The following GPRIN2 variants were observed in gnomAD, a reference collection of about 807,000 sequenced individuals.
GPRIN2 encodes G protein-regulated inducer of neurite outgrowth 2.
Under a neutral mutation model 0.3 loss-of-function variants are expected in GPRIN2, and 1 was observed. The observed-to-expected ratio is 3.90, with a 90% CI of 1.39 to 18.51. The LOEUF (loss-of-function observed/expected upper bound fraction) is 18.51. Among genes scored for constraint, GPRIN2 ranks in the 30% most tolerant of loss-of-function variants. The pLI, the probability that GPRIN2 is intolerant of heterozygous loss-of-function variation, is 0.11. For missense variants in GPRIN2, 880 were observed against 604.2 expected (o/e 1.46, Z -4.79); for synonymous variants, 361 against 258.6 (o/e 1.40, Z -3.80).
Position 46,550,728 on chromosome 10 carries a change from G to A in GPRIN2, c.9C>T (p.Ser3=). ...CCCAGGGACCCGGCTCGGGGCGGCT[G>A]GAGCTCATGGCTGCCTGCAGAAGAG... MS[S]SRPEPGPWAP... The change falls in exon 3 of 3, where the codon TCC becomes TCT. Residue 3 remains serine (S), a synonymous_variant. Transcript: ENST00000374314. The A allele has an allele frequency of 2.0e-6, 3 of 1,507,564 alleles. No homozygotes were observed. The highest frequency in any genetic ancestry group is 2.3e-5 in the East Asian group (1 of 43,220). 93.4% of individuals were successfully genotyped at this position (1,507,564 alleles called of 1,614,324 possible).
In GPRIN2 at chr10:46,550,759, G is replaced by C; in HGVS notation, c.-6-17C>G. 1 of 1,494,512 alleles carries C rather than the reference G, an allele frequency of 6.7e-7. No homozygotes were observed. The highest frequency in any genetic ancestry group is 2.3e-5 in the East Asian group (1 of 42,634). 92.6% of individuals were successfully genotyped at this position (1,494,512 alleles called of 1,614,324 possible). A position where few individuals can be genotyped will look rare whatever the true frequency, so the allele number is the denominator to read the frequency against. On this transcript the variant is annotated splice_polypyrimidine_tract_variant and intron_variant, in intron 2 of 2. Transcript: ENST00000374314. ...CATGGCTGCCTGCAGAAGAGAGAAAGGGAGGGAGTGGAGTTGAGTTGGGTG... is the reference window on the plus strand; with the variant it reads ...CATGGCTGCCTGCAGAAGAGAGAAACGGAGGGAGTGGAGTTGAGTTGGGTG...
In GPRIN2 at chr10:46,543,869, C is replaced by G. The variant is rs1412007975; in HGVS notation, c.*5491G>C. Among the ~76,000 whole-genome samples the G allele has an allele frequency of 2.6e-5, 4 of 152,282 alleles. No individual in the cohort carries two copies. Among genetic ancestry groups the G allele is most frequent in the Non-Finnish European group, 5.9e-5 (4 of 68,050 alleles). The stretch of plus-strand genomic sequence containing the variant: ...CCTGGAGAGTGACCGCACAAGTGAG[C>G]AAAGGCGGCATTCACCCAACTCTTG... On this transcript the variant is annotated 3_prime_UTR_variant, in exon 3 of 3. Transcript: ENST00000374314.
In GPRIN2 at chr10:46,546,986, C is replaced by T. The variant is rs1451522048; in HGVS notation, c.*2374G>A. On this transcript the variant is annotated 3_prime_UTR_variant, in exon 3 of 3. Coordinates refer to ENST00000374314, the MANE Select transcript of GPRIN2 (RefSeq NM_001385282.1). Reference sequence around the variant, plus strand: ...GAGGTAGCACAGAGTGGCACCCAGCCAGCGTGAATGCATAAGAATCTGCAC... The same window carrying T: ...GAGGTAGCACAGAGTGGCACCCAGCTAGCGTGAATGCATAAGAATCTGCAC... Among the ~76,000 whole-genome samples, 1 of 152,310 alleles carries T rather than the reference C, an allele frequency of 6.6e-6. No homozygotes were observed. The highest frequency in any genetic ancestry group is 2.4e-5 in the African/African-American group (1 of 41,486).
rs1424979456 is a variant in GPRIN2 at position 46,545,368 on chromosome 10, G to A, written c.*3992C>T. 6.6e-6 allele frequency among the ~76,000 whole-genome samples: 1 copy of A among 152,308 alleles called. No individual in the cohort carries two copies. Among genetic ancestry groups the A allele is most frequent in the Non-Finnish European group, 1.5e-5 (1 of 68,056 alleles). ...CCTGGGTAGTCCTTACTCTGAGGTG[G>A]GACTGCATCCAGGGCTCCCCTTTAG... On this transcript the variant is annotated 3_prime_UTR_variant, in exon 3 of 3. Transcript: ENST00000374314.
At chr10:46,555,072 G>C (rs372695085) in intron 1 of GPRIN2, among the ~76,000 whole-genome samples, 20 of 152,300 alleles carry the variant, frequency 1.3e-4, no homozygotes, top group Admixed American at 5.2e-4. Flanking sequence ...TTAGTCTCCC[G>C]GCAGCTGGGA....
In GPRIN2 at chr10:46,550,041, A is replaced by G. The variant is rs1832504043; in HGVS notation, c.696T>C (p.Ala232=). ...ATTTCHALPP[A]ALLCGMREVR... ...CCTCCCTCATGCCACAGAGTAGAGC[A>G]GCTGGGGGCAGAGCATGGCAGGTGG... is the stretch of plus-strand genomic sequence containing the variant. The change falls in exon 3 of 3, where the codon GCT becomes GCC. Residue 232 remains alanine, a synonymous_variant. Coordinates refer to ENST00000374314, the MANE Select transcript of GPRIN2 (RefSeq NM_001385282.1). 2.0e-6 allele frequency: 3 copies of G among 1,493,890 alleles called. No homozygotes were observed. The South Asian group carries it at 4.0e-5, about 20-fold the overall frequency. The allele number at this position is 1,493,890 out of a possible 1,614,324, so 92.5% of individuals were successfully genotyped here.
upstream of GPRIN2, among the ~76,000 whole-genome samples, chr10:46,557,283 C>T (rs1003955298): frequency 7.9e-5 from 12 of 152,302 alleles, no homozygotes; most frequent in Admixed American, 5.2e-4. Flanking sequence ...GAGCTCCACT[C>T]TCATGGACCC....
chr10:46,542,349 C>T lies in GPRIN2; in HGVS notation c.*7011G>A, dbSNP rs1442809150. 6.6e-6 allele frequency among the ~76,000 whole-genome samples: 1 copy of T among 152,312 alleles called. No homozygotes were observed. Among genetic ancestry groups the T allele is most frequent in the Non-Finnish European group, 1.5e-5 (1 of 68,058 alleles). Reference sequence around the variant, plus strand: ...CCAAAATCTCATCTTGAATTGTAATCCCTATAATCCCCATGTGACAAGGGA... The same window carrying T: ...CCAAAATCTCATCTTGAATTGTAATTCCTATAATCCCCATGTGACAAGGGA... On this transcript the variant is annotated 3_prime_UTR_variant, in exon 3 of 3. Transcript: ENST00000374314.
intron 2 of GPRIN2, among the ~76,000 whole-genome samples, chr10:46,551,192 C>G (rs3127816): frequency 6.6e-6 from 1 of 152,242 alleles, no homozygotes; most frequent in African/African-American, 2.4e-5. Context: ...ACGGGCACAG[C>G]TGGACAGGCC....
rs1832792943 is a variant in GPRIN2 at position 46,548,669 on chromosome 10, G to C, written c.*691C>G. On this transcript the variant is annotated 3_prime_UTR_variant, in exon 3 of 3. Coordinates refer to ENST00000374314, the MANE Select transcript of GPRIN2 (RefSeq NM_001385282.1). ...CACAGAATCCACAGAACCCAGCACA[G>C]AGTATGAGCTCAGTAAATTCTCCTC... Among the ~76,000 whole-genome samples the C allele has an allele frequency of 2.6e-5, 4 of 152,428 alleles. No individual in the cohort carries two copies. In the East Asian group the frequency reaches 7.7e-4, roughly 29 times the overall value.
rs1399322479 is a variant in GPRIN2, at chr10:46,550,477, C to T, written c.260G>A (p.Gly87Glu). The T allele has an allele frequency of 6.2e-7, 1 of 1,611,010 alleles. No individual in the cohort carries two copies. The highest frequency in any genetic ancestry group is 1.3e-5 in the African/African-American group (1 of 74,938). The change falls in exon 3 of 3, where the codon GGA becomes GAA. Residue 87 changes from glycine (G) to glutamate (E), a missense_variant. Physicochemically the swap from Gly to Glu is moderately conservative, Grantham distance 98 (BLOSUM62 -2). Transcript: ENST00000374314. ...ASGPKARPSA[G>E]GHWWSSTVGN... ...CACAGTGCTGCTCCACCAGTGGCCT[C>T]CAGCACTGGGTCGCGCCTTGGGGCC...
rs1435255985 is a variant in GPRIN2, at chr10:46,548,682, G to A, written c.*678C>T. Among the ~76,000 whole-genome samples the A allele has an allele frequency of 1.3e-5, 2 of 152,312 alleles. No individual in the cohort carries two copies. The highest frequency in any genetic ancestry group is 4.8e-5 in the African/African-American group (2 of 41,488). ...GAACCCAGCACAGAGTATGAGCTCA[G>A]TAAATTCTCCTCATACATGACTGCA... On this transcript the variant is annotated 3_prime_UTR_variant, in exon 3 of 3. Coordinates refer to ENST00000374314, the MANE Select transcript of GPRIN2 (RefSeq NM_001385282.1).
rs1173281980 is a variant in GPRIN2 at position 46,543,498 on chromosome 10, T to C, written c.*5862A>G. On this transcript the variant is annotated 3_prime_UTR_variant, in exon 3 of 3. Transcript: ENST00000374314. ...GGTCCCCCGACTGTCCTTGGCTGTG[T>C]GCACACAGAGGTGCTGCAGTCCTGG... 6.6e-6 allele frequency among the ~76,000 whole-genome samples: 1 copy of C among 152,308 alleles called. No homozygotes were observed. Among genetic ancestry groups the C allele is most frequent in the South Asian group, 2.1e-4 (1 of 4,838 alleles).
intron 2 of GPRIN2, chr10:46,551,443 C>G: frequency 1.0e-6 from 1 of 985,534 alleles, no homozygotes; most frequent in Non-Finnish European, 1.2e-6. Flanking sequence ...AGGAGAGGCC[C>G]CATGCATCAG....
Position 46,549,437 on chromosome 10 carries a change from T to A in GPRIN2, c.1300A>T (p.Arg434Trp), listed in dbSNP as rs1842445779. Residue 434 changes from arginine (R) to tryptophan (W), a missense_variant, in exon 3 of 3, where the codon AGG becomes TGG. Arg to Trp is a moderately radical substitution (Grantham distance 101). Coordinates refer to ENST00000374314, the MANE Select transcript of GPRIN2 (RefSeq NM_001385282.1). ...SEDSLSVEGR[R>W]GPLRAVMQSL... ...TGCATGACAGCCCGCAGTGGCCCCC[T>A]CCGGCCCTCCACAGACAGGCTGTCC... The A allele has an allele frequency of 6.3e-7, 1 of 1,598,678 alleles. No individual in the cohort carries two copies. Among genetic ancestry groups the A allele is most frequent in the Non-Finnish European group, 8.5e-7 (1 of 1,172,056 alleles).
intron 1 of GPRIN2, among the ~76,000 whole-genome samples, chr10:46,555,909 C>G (rs999819658): frequency 1.3e-5 from 2 of 152,310 alleles, no homozygotes; most frequent in Non-Finnish European, 2.9e-5. Context: ...AAGCACAGGC[C>G]GCCCCTGCTG....
In GPRIN2 at chr10:46,556,477, C is replaced by A. The variant is rs1451068353; in HGVS notation, c.-118+21G>T. On this transcript the variant is annotated intron_variant, in intron 1 of 2. Coordinates refer to ENST00000374314, the MANE Select transcript of GPRIN2 (RefSeq NM_001385282.1). ...ACCACGCCCCCCGCCCCAACGGGAG[C>A]GCGCGGAGCCAGCCTCTCACCCTCT... is the stretch of plus-strand genomic sequence containing the variant. Among the ~76,000 whole-genome samples, 10 of 152,388 alleles carry A rather than the reference C, an allele frequency of 6.6e-5. No homozygotes were observed. The East Asian group carries it at 1.9e-3, about 29-fold the overall frequency.
At position 46,542,810 on chromosome 10, in the gene GPRIN2, G is replaced by T. The variant is rs1034647483; in HGVS notation, c.*6550C>A. 5.9e-5 allele frequency among the ~76,000 whole-genome samples: 9 copies of T among 152,310 alleles called. No homozygotes were observed. Among genetic ancestry groups the T allele is most frequent in the Non-Finnish European group, 1.3e-4 (9 of 68,058 alleles). The stretch of plus-strand genomic sequence containing the variant: ...GGACAGTGCAGTGTGTCCCCACAGG[G>T]GCTCAGGCCACACCCCAACCCAATT... On this transcript the variant is annotated 3_prime_UTR_variant, in exon 3 of 3. Coordinates refer to ENST00000374314, the MANE Select transcript of GPRIN2 (RefSeq NM_001385282.1).
rs1250646089 is a variant in GPRIN2, at chr10:46,546,324, G to T, written c.*3036C>A. On this transcript the variant is annotated 3_prime_UTR_variant, in exon 3 of 3. Coordinates refer to ENST00000374314, the MANE Select transcript of GPRIN2 (RefSeq NM_001385282.1). ...ATGGAAGGAGAGCAGGTGGGCAGAA[G>T]CAGGGAGCCCCTGGAGCAGACAGAG... 7.9e-5 allele frequency among the ~76,000 whole-genome samples: 12 copies of T among 152,304 alleles called. No individual in the cohort carries two copies. Among genetic ancestry groups the T allele is most frequent in the African/African-American group, 2.9e-4 (12 of 41,480 alleles).
Sources: allele counts gnomAD v4.1 joint callset (sites outside exome capture counted in the v4.1 genomes callset), GRCh38; gene constraint gnomAD v4.1.1; transcripts MANE v1.5; gene names NCBI Gene and HGNC (gene_info 2026-07-23, HGNC 2026-07-21).